ZNF879: variants seen among roughly 807,000 people sequenced by gnomAD.
The protein encoded by ZNF879 is zinc finger protein 879.
ZNF879 carries 32 observed loss-of-function variants against 44.3 expected under a neutral mutation model. The observed-to-expected ratio is 0.72, with a 90% confidence interval of 0.54 to 0.97. The LOEUF is 0.97. Among genes scored for constraint, ZNF879 ranks in the 50% least tolerant of loss-of-function variants. The pLI is 0.00. For synonymous variants in ZNF879, 234 were observed against 233.2 expected (o/e 1.00, Z -0.03); for missense variants, 621 against 669.7 (o/e 0.93, Z 0.80).
chr5:179,029,098 CTGTT>C (rs1761355740), intron 4 of ZNF879, among the ~76,000 whole-genome samples: 3 of 142,874 alleles, frequency 2.1e-5, no homozygotes, highest in African/African-American at 2.6e-5. Flanking sequence ...ATTCTGGCAT[CTGTT>C]TTTTTTTTTT....
At position 179,027,555 on chromosome 5, in the gene ZNF879, A is replaced by T. The variant is rs762511043; in HGVS notation, c.116A>T (p.Tyr39Phe). The T allele has an allele frequency of 6.2e-7, 1 of 1,614,108 alleles. No individual in the cohort carries two copies. Among genetic ancestry groups the T allele is most frequent in the Non-Finnish European group, 8.5e-7 (1 of 1,180,008 alleles). Residue 39 changes from tyrosine to phenylalanine, a missense_variant, in exon 3 of 5, where the codon TAC (tyrosine) becomes TTC (phenylalanine). Tyr to Phe is a conservative substitution (Grantham distance 22, BLOSUM62 3). Transcript: ENST00000444149. ...CTGGACTCTGCCCAGAGAGCCTTGT[A>T]CCGGGAGGTGATGCTGGAGAACTAC... ...LHLDSAQRAL[Y>F]REVMLENYSI...
Position 179,025,849 on chromosome 5 carries a change from A to G in ZNF879, c.33+812A>G, listed in dbSNP as rs540565685. 1.8e-3 allele frequency among the ~76,000 whole-genome samples: 270 copies of G among 150,930 alleles called. 1 individual carries two copies. Among genetic ancestry groups the G allele is most frequent in the African/African-American group, 6.1e-3 (252 of 41,144 alleles). On this transcript the variant is annotated intron_variant, in intron 2 of 4. Transcript: ENST00000444149. ...GGAGAATCACTTGAACCCGGGAGGC[A>G]GGGGTTGAAGCGAGCGGAGATCATG...
Position 179,033,412 on chromosome 5 carries a change from C to G in ZNF879, c.1464C>G (p.Asp488Glu). 11 of 1,559,002 alleles carry G rather than the reference C, an allele frequency of 7.1e-6. No individual in the cohort carries two copies. The highest frequency in any genetic ancestry group is 9.6e-6 in the Non-Finnish European group (11 of 1,151,598). Residue 488 changes from aspartate to glutamate, a missense_variant, in exon 5 of 5, where the codon GAC becomes GAG. By Grantham distance (45) the Asp-to-Glu change is conservative (BLOSUM62 2). Coordinates refer to ENST00000444149, the MANE Select transcript of ZNF879 (RefSeq NM_001136116.3). ...GAGAAAAACCTTATAAATGTAATGA[C>G]TGTGAGAAAGCCTTCAACCAAAGCT... ...HTGEKPYKCN[D>E]CEKAFNQSSA...
In ZNF879 at chr5:179,033,825, A is replaced by G. The variant is rs1032739774; in HGVS notation, c.*185A>G. On this transcript the variant is annotated 3_prime_UTR_variant, in exon 5 of 5. Transcript: ENST00000444149. The stretch of plus-strand genomic sequence containing the variant: ...TTGGGAATGCTAGAAAAGCTTCTAT[A>G]AAATGTTTATTCATATGTTCTTAAG... 3.9e-5 allele frequency: 19 copies of G among 485,734 alleles called. No individual in the cohort carries two copies. Among genetic ancestry groups the G allele is most frequent in the Non-Finnish European group, 5.0e-5 (14 of 280,408 alleles). 30.1% of individuals were successfully genotyped at this position (485,734 alleles called of 1,614,324 possible).
rs1414887456 is a variant in ZNF879, at chr5:179,034,030, T to C, written c.*390T>C. On this transcript the variant is annotated 3_prime_UTR_variant, in exon 5 of 5. Transcript: ENST00000444149. Reference sequence around the variant, plus strand: ...AGGAATCTATTTTTTGAAACTATTATGCAAGCCAGTGGTACTAGAAAGAAT... The same window carrying C: ...AGGAATCTATTTTTTGAAACTATTACGCAAGCCAGTGGTACTAGAAAGAAT... The C allele has an allele frequency of 6.2e-6, 1 of 160,260 alleles. No homozygotes were observed. Among genetic ancestry groups the C allele is most frequent in the African/African-American group, 2.4e-5 (1 of 41,660 alleles). 9.9% of individuals were successfully genotyped at this position (160,260 alleles called of 1,614,324 possible).
chr5:179,025,199 C>T (rs1474679821), intron 2 of ZNF879, among the ~76,000 whole-genome samples, 162 bp downstream of exon 2: 1 of 151,942 alleles, frequency 6.6e-6, no homozygotes, highest in East Asian at 1.9e-4. Flanking sequence ...TGCCTCAGAG[C>T]CTGTCTCATG....
Position 179,033,776 on chromosome 5 carries a change from G to C in ZNF879, c.*136G>C. 3.4e-6 allele frequency: 2 copies of C among 584,786 alleles called. No homozygotes were observed. Among genetic ancestry groups the C allele is most frequent in the Non-Finnish European group, 5.7e-6 (2 of 347,934 alleles). The allele number at this position is 584,786 out of a possible 1,614,324, so 36.2% of individuals were successfully genotyped here. On this transcript the variant is annotated 3_prime_UTR_variant, in exon 5 of 5. Transcript: ENST00000444149. ...CAGCATTAGACCTCATCACACATCA[G>C]AGACTTCATGATGCAGGGTAACCTT...
At position 179,034,090 on chromosome 5, in the gene ZNF879, G is replaced by A. The variant is rs1761517377; in HGVS notation, c.*450G>A. 1.3e-5 allele frequency: 2 copies of A among 153,364 alleles called. No homozygotes were observed. The highest frequency in any genetic ancestry group is 2.9e-5 in the Non-Finnish European group (2 of 68,896). The allele number at this position is 153,364 out of a possible 1,614,324, so 9.5% of individuals were successfully genotyped here. A position where few individuals can be genotyped will look rare whatever the true frequency, so the allele number is the denominator to read the frequency against. On this transcript the variant is annotated 3_prime_UTR_variant, in exon 5 of 5. Coordinates refer to ENST00000444149, the MANE Select transcript of ZNF879 (RefSeq NM_001136116.3). Reference sequence around the variant, plus strand: ...AAGAAATATGTACAGGTGACCCATAGCTACCTCACTGTCACTAAAATGTTT... The same window carrying A: ...AAGAAATATGTACAGGTGACCCATAACTACCTCACTGTCACTAAAATGTTT...
chr5:179,032,619 G>T lies in ZNF879; in HGVS notation c.671G>T (p.Arg224Ile). Residue 224 changes from arginine (R) to isoleucine (I), a missense_variant, in exon 5 of 5, where the codon AGA becomes ATA. Arg to Ile is a moderately conservative substitution (Grantham distance 97). Coordinates refer to ENST00000444149, the MANE Select transcript of ZNF879 (RefSeq NM_001136116.3). ...AGTTCCTCCCTGAGTAAACACCAGA[G>T]AATCCACACTGGAGAGAAGCTCTAT... ...LHSSSLSKHQ[R>I]IHTGEKLYKC... 1 of 1,566,212 alleles carries T rather than the reference G, an allele frequency of 6.4e-7. No homozygotes were observed. The highest frequency in any genetic ancestry group is 8.7e-7 in the Non-Finnish European group (1 of 1,155,494).
chr5:179,033,706 T>C lies in ZNF879; in HGVS notation c.*66T>C. On this transcript the variant is annotated 3_prime_UTR_variant, in exon 5 of 5. Coordinates refer to ENST00000444149, the MANE Select transcript of ZNF879 (RefSeq NM_001136116.3). ...CCATACTGAGTATCAAAAAATTCAT[T>C]GTGGGGAGAAAGTGATGAAGAGTAG... The C allele has an allele frequency of 8.1e-7, 1 of 1,228,812 alleles. No homozygotes were observed. Among genetic ancestry groups the C allele is most frequent in the South Asian group, 1.7e-5 (1 of 59,302 alleles). 76.1% of individuals were successfully genotyped at this position (1,228,812 alleles called of 1,614,324 possible).
rs1211726095 is a variant in ZNF879, at chr5:179,034,363, TAAGTA to T, written c.*727_*731del. 13 of 152,246 alleles carry T rather than the reference TAAGTA, an allele frequency of 8.5e-5. 1 individual carries two copies. The highest frequency in any genetic ancestry group is 7.2e-4 in the Admixed American group (11 of 15,286). 9.4% of individuals were successfully genotyped at this position (152,246 alleles called of 1,614,324 possible). A position where few individuals can be genotyped will look rare whatever the true frequency, so the allele number is the denominator to read the frequency against. ...GATTACCTTTGCTGTATTAAATTGATAAGTAAAGGTCATTCAGACAACCACTGCTT... is the reference window on the plus strand; with the variant it reads ...GATTACCTTTGCTGTATTAAATTGATAAGGTCATTCAGACAACCACTGCTT... On this transcript the variant is annotated 3_prime_UTR_variant, in exon 5 of 5. Coordinates refer to ENST00000444149, the MANE Select transcript of ZNF879 (RefSeq NM_001136116.3).
rs2113077396 is a variant in ZNF879, at chr5:179,034,491, G to A, written c.*851G>A. ...GTCTGCCTGCTTCTGTGAGCTTTCTGGTTACCAGCCACCAGAAGGCCCAGG... is the reference window on the plus strand; with the variant it reads ...GTCTGCCTGCTTCTGTGAGCTTTCTAGTTACCAGCCACCAGAAGGCCCAGG... On this transcript the variant is annotated 3_prime_UTR_variant, in exon 5 of 5. Transcript: ENST00000444149. The A allele has an allele frequency of 6.6e-6, 1 of 152,312 alleles. No homozygotes were observed. Among genetic ancestry groups the A allele is most frequent in the East Asian group, 1.9e-4 (1 of 5,192 alleles). The allele number at this position is 152,312 out of a possible 1,614,324, so 9.4% of individuals were successfully genotyped here.
In ZNF879 at chr5:179,033,201, A is replaced by G. The variant is rs756132792; in HGVS notation, c.1253A>G (p.His418Arg). 3 of 1,596,164 alleles carry G rather than the reference A, an allele frequency of 1.9e-6. No homozygotes were observed. Among genetic ancestry groups the G allele is most frequent in the Non-Finnish European group, 2.6e-6 (3 of 1,170,916 alleles). ...AGCCAAAGCTCAGCTCTCATACAAC[A>G]TCAAAGAATTCACACTGGAGAAAAA... ...AFSQSSALIQ[H>R]QRIHTGEKPY... is the part of the protein sequence containing the mutation. The change falls in exon 5 of 5, where the codon CAT (histidine) becomes CGT (arginine). Residue 418 changes from histidine to arginine, a missense_variant. Physicochemically the swap from His to Arg is conservative, Grantham distance 29 (BLOSUM62 0). Transcript: ENST00000444149.
Position 179,027,616 on chromosome 5 carries a change from C to T in ZNF879, c.160+17C>T. On this transcript the variant is annotated intron_variant, in intron 3 of 4. Transcript: ENST00000444149. ...TCTCACTGGGTAAGGAACTTTCCTCCTGATGCAGAATCTGCCAGGAGAGCA... is the reference window on the plus strand; with the variant it reads ...TCTCACTGGGTAAGGAACTTTCCTCTTGATGCAGAATCTGCCAGGAGAGCA... 1.2e-6 allele frequency: 2 copies of T among 1,613,240 alleles called. No homozygotes were observed. Among genetic ancestry groups the T allele is most frequent in the East Asian group, 4.5e-5 (2 of 44,846 alleles).
In ZNF879 at chr5:179,033,599, C is replaced by CA; in HGVS notation, c.1652dup (p.Ser552GlufsTer6). On this transcript the variant is annotated frameshift_variant, in exon 5 of 5. Coordinates refer to ENST00000444149, the MANE Select transcript of ZNF879 (RefSeq NM_001136116.3). LOFTEE classifies it high-confidence loss of function. ...TAAAGAATGTGGGAAGGCTTTTAGT[C>CA]AGAGCTCATCTCTTACTAATCATCA... 6.5e-7 allele frequency: 1 copy of CA among 1,538,150 alleles called. No individual in the cohort carries two copies. Among genetic ancestry groups the CA allele is most frequent in the Non-Finnish European group, 8.8e-7 (1 of 1,142,730 alleles).
chr5:179,026,103 C>G (rs60073676), intron 2 of ZNF879, among the ~76,000 whole-genome samples: 43,060 of 141,268 alleles, frequency 0.3, 7,010 homozygotes, highest in African/African-American at 0.44. Context: ...AAAAAAAAAA[C>G]AAAGAAAGAA....
At chr5:179,028,896 C>T (rs528127159) in intron 4 of ZNF879, among the ~76,000 whole-genome samples, 41 of 152,258 alleles carry the variant, frequency 2.7e-4, no homozygotes, top group Admixed American at 1.3e-3. Flanking sequence ...CTGGGCAGGG[C>T]GTGGGCTTTC....
rs1399253265 is a variant in ZNF879, at chr5:179,032,406, G to A, written c.458G>A (p.Arg153Lys). The change falls in exon 5 of 5, where the codon AGG becomes AAG. Residue 153 changes from arginine to lysine, a missense_variant. Arg to Lys is a conservative substitution (Grantham distance 26). Coordinates refer to ENST00000444149, the MANE Select transcript of ZNF879 (RefSeq NM_001136116.3). The stretch of plus-strand genomic sequence containing the variant: ...ATCAAAAAAGTCTACATGAAGGAGA[G>A]GAGCTTTAAAGGTGTTGAATTTGGG... Reference protein sequence around the residue: ...VTIKKVYMKERSFKGVEFGKN... With the variant: ...VTIKKVYMKEKSFKGVEFGKN... 9 of 1,551,102 alleles carry A rather than the reference G, an allele frequency of 5.8e-6. No homozygotes were observed. In the African/African-American group the frequency reaches 1.1e-4, roughly 19 times the overall value.
intron 3 of ZNF879, among the ~76,000 whole-genome samples, 160 bp downstream of exon 3, chr5:179,027,759 G>A (rs1309887170): frequency 6.6e-6 from 1 of 152,164 alleles, no homozygotes; most frequent in Non-Finnish European, 1.5e-5. Context: ...GCTTAGTAGA[G>A]TTGATGAAGG....
Sources: allele counts gnomAD v4.1 joint callset (sites outside exome capture counted in the v4.1 genomes callset), GRCh38; gene constraint gnomAD v4.1.1; transcripts MANE v1.5; gene names NCBI Gene and HGNC (gene_info 2026-07-23, HGNC 2026-07-21).